The following CD83 variants were observed in gnomAD, a reference collection of about 807,000 sequenced individuals.
The protein encoded by CD83 is CD83 molecule, also known as CD83 antigen.
In CD83, 22 loss-of-function variants were observed where a neutral mutation model predicts 24.6. That is an observed-to-expected ratio of 0.90 (90% confidence interval 0.64 to 1.28). The LOEUF (loss-of-function observed/expected upper bound fraction) is 1.28, where lower values mean the gene tolerates loss of function less well. CD83 is among the 50% of genes most tolerant of loss of function. The pLI, the probability that CD83 is intolerant of heterozygous loss-of-function variation, is 0.00. For missense variants in CD83, 253 were observed against 252.8 expected (o/e 1.00, Z -0.01); for synonymous variants, 101 against 103.5 (o/e 0.98, Z 0.14).
intron 2 of CD83, among the ~76,000 whole-genome samples, chr6:14,126,429 A>G (rs111787246): frequency 2.6e-5 from 4 of 152,134 alleles, no homozygotes; most frequent in African/African-American, 9.7e-5. Flanking sequence ...GAGCTATCCA[A>G]GCCTGAGAGT....
rs1280066499 is a variant in CD83, at chr6:14,135,241, G to T, written c.*5G>T. The T allele has an allele frequency of 6.8e-6, 11 of 1,613,426 alleles. No homozygotes were observed. Among genetic ancestry groups the T allele is most frequent in the African/African-American group, 1.3e-5 (1 of 75,006 alleles). On this transcript the variant is annotated 3_prime_UTR_variant, in exon 5 of 5. Transcript: ENST00000379153. ...CACAAGACAGAACTGGTATGAGCAG[G>T]ATTTCTGCAGGTTCTTCTTCCTGAA... is the stretch of plus-strand genomic sequence containing the variant.
At position 14,135,429 on chromosome 6, in the gene CD83, A is replaced by G. The variant is rs1335435917; in HGVS notation, c.*193A>G. 3.1e-5 allele frequency: 18 copies of G among 572,440 alleles called. No individual in the cohort carries two copies. The East Asian group carries it at 4.5e-4, about 14-fold the overall frequency. 35.5% of individuals were successfully genotyped at this position (572,440 alleles called of 1,614,324 possible). A position where few individuals can be genotyped will look rare whatever the true frequency, so the allele number is the denominator to read the frequency against. The stretch of plus-strand genomic sequence containing the variant: ...GCCTCGAAAACCATCACATGACCAC[A>G]TAGCATGAGGCCACTGCTGCTTCTC... On this transcript the variant is annotated 3_prime_UTR_variant, in exon 5 of 5. Transcript: ENST00000379153.
chr6:14,119,728 C>G (rs1317854413), intron 2 of CD83, among the ~76,000 whole-genome samples: 1 of 152,200 alleles, frequency 6.6e-6, no homozygotes, highest in Non-Finnish European at 1.5e-5. Flanking sequence ...TTAGTTATCT[C>G]AAAGAACGGG....
chr6:14,131,922 A>T (rs1581333719), intron 3 of CD83, among the ~76,000 whole-genome samples, 174 bp downstream of exon 3: 1 of 152,208 alleles, frequency 6.6e-6, no homozygotes, highest in Non-Finnish European at 1.5e-5. Context: ...TGTGGCTTAA[A>T]TGATGCCTTT....
rs1757977799 is a variant in CD83 at position 14,133,666 on chromosome 6, AAAG to A, written c.405_407del (p.Glu136del). ...TTTTAAAGGATGCCCTGCACAGCGTAAAGAAGAGACTTTTAAGAAATACAGAGC... is the reference window on the plus strand; with the variant it reads ...TTTTAAAGGATGCCCTGCACAGCGTAAAGAGACTTTTAAGAAATACAGAGC... On this transcript the variant is annotated inframe_deletion, in exon 4 of 5. Coordinates refer to ENST00000379153, the MANE Select transcript of CD83 (RefSeq NM_004233.4). 6.2e-6 allele frequency: 10 copies of A among 1,612,896 alleles called. 1 individual carries two copies. The highest frequency in any genetic ancestry group is 1.3e-5 in the African/African-American group (1 of 74,884).
chr6:14,121,151 A>G (rs1216755854), intron 2 of CD83, among the ~76,000 whole-genome samples: 2 of 152,180 alleles, frequency 1.3e-5, no homozygotes, highest in African/African-American at 2.4e-5. Flanking sequence ...TATATTCATT[A>G]GGATAGTAGC....
At chr6:14,131,381 TCACA>T in intron 2 of CD83, 135 bp from the exon 3 acceptor site, 1 of 641,742 alleles carries the variant, frequency 1.6e-6, no homozygotes, top group Non-Finnish European at 2.8e-6. Flanking sequence ...CCCCCAGAGG[TCACA>T]CACACACAAA....
intron 2 of CD83, among the ~76,000 whole-genome samples, chr6:14,128,336 C>T (rs547467092): frequency 6.6e-6 from 1 of 152,180 alleles, no homozygotes; most frequent in Non-Finnish European, 1.5e-5. Flanking sequence ...GCCCCACCCC[C>T]ATTCTGAGCA....
Position 14,135,523 on chromosome 6 carries a change from A to G in CD83, c.*287A>G. The G allele has an allele frequency of 2.9e-6, 1 of 340,324 alleles. No homozygotes were observed. Among genetic ancestry groups the G allele is most frequent in the South Asian group, 7.4e-5 (1 of 13,460 alleles). 21.1% of individuals were successfully genotyped at this position (340,324 alleles called of 1,614,324 possible). On this transcript the variant is annotated 3_prime_UTR_variant, in exon 5 of 5. Coordinates refer to ENST00000379153, the MANE Select transcript of CD83 (RefSeq NM_004233.4). ...TCCTGGACATTTTTTCAGTCATATA[A>G]AAGCTATGGTGAGATGCAGCTGGAA...
Position 14,135,261 on chromosome 6 carries a change from C to G in CD83, c.*25C>G, listed in dbSNP as rs768785462. 1 of 1,611,422 alleles carries G rather than the reference C, an allele frequency of 6.2e-7. No individual in the cohort carries two copies. Among genetic ancestry groups the G allele is most frequent in the South Asian group, 1.1e-5 (1 of 90,978 alleles). On this transcript the variant is annotated 3_prime_UTR_variant, in exon 5 of 5. Coordinates refer to ENST00000379153, the MANE Select transcript of CD83 (RefSeq NM_004233.4). ...AGCAGGATTTCTGCAGGTTCTTCTTCCTGAAGCTGAGGCTCAGGGGTGTGC... is the reference window on the plus strand; with the variant it reads ...AGCAGGATTTCTGCAGGTTCTTCTTGCTGAAGCTGAGGCTCAGGGGTGTGC...
intron 2 of CD83, among the ~76,000 whole-genome samples, chr6:14,125,865 A>G (rs1470777792): frequency 1.3e-5 from 2 of 152,250 alleles, no homozygotes; most frequent in Middle Eastern, 3.2e-3. Context: ...TCCCTAGAGC[A>G]GAGATTGGGA....
intron 2 of CD83, among the ~76,000 whole-genome samples, chr6:14,119,122 G>A (rs887594422): frequency 6.6e-6 from 1 of 152,166 alleles, no homozygotes; most frequent in Non-Finnish European, 1.5e-5. Context: ...CAGTTCCCTG[G>A]GGGGCAGTGG....
rs1429933802 is a variant in CD83, at chr6:14,136,568, G to C, written c.*1332G>C. On this transcript the variant is annotated 3_prime_UTR_variant, in exon 5 of 5. Transcript: ENST00000379153. ...TTTCCAAAGGCATTTTATTGCTTGA[G>C]TTATATGTTCACTGTCCCCCTAATA... The C allele has an allele frequency of 6.6e-6, 1 of 152,170 alleles. No individual in the cohort carries two copies. Among genetic ancestry groups the C allele is most frequent in the Non-Finnish European group, 1.5e-5 (1 of 68,052 alleles). 9.4% of individuals were successfully genotyped at this position (152,170 alleles called of 1,614,324 possible). A position where few individuals can be genotyped will look rare whatever the true frequency, so the allele number is the denominator to read the frequency against.
Position 14,136,706 on chromosome 6 carries a change from C to T in CD83, c.*1470C>T, listed in dbSNP as rs1327300676. 1 of 152,138 alleles carries T rather than the reference C, an allele frequency of 6.6e-6. No individual in the cohort carries two copies. Among genetic ancestry groups the T allele is most frequent in the African/African-American group, 2.4e-5 (1 of 41,420 alleles). The allele number at this position is 152,138 out of a possible 1,614,324, so 9.4% of individuals were successfully genotyped here. On this transcript the variant is annotated 3_prime_UTR_variant, in exon 5 of 5. Coordinates refer to ENST00000379153, the MANE Select transcript of CD83 (RefSeq NM_004233.4). ...GGGTGTTTTTCTGTTTTATATTCAA[C>T]TCATAAGACTTTGGGATAGGAAAAA... is the stretch of plus-strand genomic sequence containing the variant.
intron 2 of CD83, 152 bp from the exon 3 acceptor site, chr6:14,131,368 C>T: frequency 1.6e-6 from 1 of 618,180 alleles, no homozygotes; most frequent in South Asian, 2.0e-5. Flanking sequence ...ATAGATCTTT[C>T]CTCCCCCAGA....
rs1374529677 is a variant in CD83, at chr6:14,129,139, C to T, written c.154-2381C>T. Among the ~76,000 whole-genome samples the T allele has an allele frequency of 6.6e-6, 1 of 152,132 alleles. No homozygotes were observed. The highest frequency in any genetic ancestry group is 2.4e-5 in the African/African-American group (1 of 41,408). On this transcript the variant is annotated intron_variant, in intron 2 of 4. Transcript: ENST00000379153. The surrounding 1 kb of genome is among the most constrained non-coding windows in gnomAD (Gnocchi z 4.3). ...AAACCATGGGTGAATAATCTCAAAACGGTTGTTGCAGCTACACTCGCATTT... is the reference window on the plus strand; with the variant it reads ...AAACCATGGGTGAATAATCTCAAAATGGTTGTTGCAGCTACACTCGCATTT...
chr6:14,126,472 C>T (rs889276059), intron 2 of CD83, among the ~76,000 whole-genome samples: 2 of 152,086 alleles, frequency 1.3e-5, no homozygotes, highest in African/African-American at 2.4e-5. Flanking sequence ...CAGAGGTAGC[C>T]GTGGGAGGGC....
At chr6:14,130,105 C>T (rs748502783) in intron 2 of CD83, among the ~76,000 whole-genome samples, 2 of 152,090 alleles carry the variant, frequency 1.3e-5, no homozygotes, top group Non-Finnish European at 2.9e-5. Flanking sequence ...GTGCAGTTAT[C>T]ATGCTAGGGA....
At chr6:14,117,657 G>A (rs865875660), upstream of CD83, 15 of 425,032 alleles carry the variant, frequency 3.5e-5, no homozygotes, top group East Asian at 5.5e-4. The surrounding 1 kb of genome is among the most constrained non-coding windows in gnomAD (Gnocchi z 4.6). Flanking sequence ...CGGCCTAAGC[G>A]GGACTAGGAG....
Sources: allele counts gnomAD v4.1 joint callset (sites outside exome capture counted in the v4.1 genomes callset), GRCh38; gene constraint gnomAD v4.1.1; non-coding constraint Gnocchi (gnomAD v3.1); transcripts MANE v1.5; gene names NCBI Gene and HGNC (gene_info 2026-07-23, HGNC 2026-07-21).